B3GALT1: variants seen among roughly 807,000 people sequenced by gnomAD.
The protein encoded by B3GALT1 is UDP-Gal:betaGlcNAc beta 1,3-galactosyltransferase, polypeptide 1.
Under a neutral mutation model 23.2 loss-of-function variants are expected in B3GALT1, and 10 were observed. The observed-to-expected ratio is 0.43, with a 90% confidence interval of 0.27 to 0.73. B3GALT1 has a LOEUF of 0.73. B3GALT1 is among the 30% of genes least tolerant of loss of function. The pLI, the probability that B3GALT1 is intolerant of heterozygous loss-of-function variation, is 0.21. For missense variants in B3GALT1, 299 were observed against 405.4 expected, an observed-to-expected ratio of 0.74 and a Z score of 2.25; for synonymous variants, 156 against 141.5, an observed-to-expected ratio of 1.10 and a Z score of -0.73.
At chr2:167,469,003 A>G (rs1261848913) in intron 1 of B3GALT1, among the ~76,000 whole-genome samples, 1 of 152,236 alleles carries the variant, frequency 6.6e-6, no homozygotes, top group Non-Finnish European at 1.5e-5. Context: ...AAATAAAAGG[A>G]CACAAATATC....
chr2:167,663,539 G>A (rs1180413381), intron 3 of B3GALT1, among the ~76,000 whole-genome samples: 2 of 151,368 alleles, frequency 1.3e-5, no homozygotes, highest in Admixed American at 1.3e-4. Context: ...TCGCCACACT[G>A]ACTTCCACAA....
intron 3 of B3GALT1, among the ~76,000 whole-genome samples, chr2:167,648,966 G>T (rs547113049): frequency 6.6e-6 from 1 of 152,004 alleles, no homozygotes; most frequent in African/African-American, 2.4e-5. Flanking sequence ...CTGCCTCCAC[G>T]ACAGGCAGAG....
At chr2:167,800,426 C>T (rs182857696) in intron 3 of B3GALT1, among the ~76,000 whole-genome samples, 1 of 152,314 alleles carries the variant, frequency 6.6e-6, no homozygotes, top group Middle Eastern at 3.4e-3. Context: ...CCTCCCCACA[C>T]CCATTATCAT....
At chr2:167,454,617 CT>C (rs1431589674) in intron 1 of B3GALT1, among the ~76,000 whole-genome samples, 1 of 152,010 alleles carries the variant, frequency 6.6e-6, no homozygotes, top group Non-Finnish European at 1.5e-5. Context: ...TAATGTCAAC[CT>C]TGTTCTCCTG....
chr2:167,786,714 T>C (rs1688349884), intron 3 of B3GALT1, among the ~76,000 whole-genome samples: 1 of 152,220 alleles, frequency 6.6e-6, no homozygotes, highest in Non-Finnish European at 1.5e-5. Context: ...TAGAAGTATC[T>C]ACTAGTATTT....
intron 1 of B3GALT1, among the ~76,000 whole-genome samples, chr2:167,487,647 A>G (rs1699648700): frequency 6.6e-6 from 1 of 152,198 alleles, no homozygotes; most frequent in Non-Finnish European, 1.5e-5. Context: ...AGGATTTTTT[A>G]ATACTAGTTA....
chr2:167,671,059 A>G (rs1686317156), intron 3 of B3GALT1, among the ~76,000 whole-genome samples: 1 of 152,196 alleles, frequency 6.6e-6, no homozygotes, highest in Admixed American at 6.5e-5. Context: ...GACAAAATAG[A>G]CTTTAAGTAA....
At chr2:167,324,116 C>G (rs1407197260) in intron 1 of B3GALT1, among the ~76,000 whole-genome samples, 1 of 151,938 alleles carries the variant, frequency 6.6e-6, no homozygotes. Flanking sequence ...CTACATTATT[C>G]TGGTTGGAAA....
At chr2:167,746,262 A>G (rs1687650555) in intron 3 of B3GALT1, among the ~76,000 whole-genome samples, 2 of 152,242 alleles carry the variant, frequency 1.3e-5, no homozygotes, top group South Asian at 4.1e-4. Context: ...GTCTTATATG[A>G]GGACATTATT....
chr2:167,732,898 A>G (rs1687430457), intron 3 of B3GALT1, among the ~76,000 whole-genome samples: 1 of 152,238 alleles, frequency 6.6e-6, no homozygotes, highest in Non-Finnish European at 1.5e-5. Flanking sequence ...TGTTTACAGT[A>G]TGTCAGGGAT....
intron 2 of B3GALT1, among the ~76,000 whole-genome samples, chr2:167,530,219 C>A (rs371568394): frequency 6.6e-6 from 1 of 152,104 alleles, no homozygotes; most frequent in African/African-American, 2.4e-5. Flanking sequence ...GATTCTACCC[C>A]CTATTGGCCA....
intron 3 of B3GALT1, among the ~76,000 whole-genome samples, chr2:167,676,261 A>G (rs1426483229): frequency 1.3e-5 from 2 of 152,034 alleles, no homozygotes; most frequent in Non-Finnish European, 2.9e-5. Context: ...TAACTTTTTT[A>G]TCCCAAAGGT....
chr2:167,441,113 T>C (rs897508292), intron 1 of B3GALT1, among the ~76,000 whole-genome samples: 1 of 152,132 alleles, frequency 6.6e-6, no homozygotes, highest in African/African-American at 2.4e-5. Flanking sequence ...GCTGTCAGGA[T>C]TGGATGGGGC....
chr2:167,683,538 T>C (rs947791075), intron 3 of B3GALT1, among the ~76,000 whole-genome samples: 2 of 152,098 alleles, frequency 1.3e-5, no homozygotes, highest in Admixed American at 6.5e-5. Context: ...TGGGGCAACA[T>C]GACCAAACTC....
intron 3 of B3GALT1, among the ~76,000 whole-genome samples, chr2:167,729,552 T>C (rs568313840): frequency 1.1e-3 from 168 of 152,326 alleles, no homozygotes; most frequent in Non-Finnish European, 1.9e-3. Context: ...TGGGAACTTC[T>C]GCTGTGAGTA....
At chr2:167,825,151 G>A (rs1485607077) in intron 4 of B3GALT1, among the ~76,000 whole-genome samples, 1 of 151,890 alleles carries the variant, frequency 6.6e-6, no homozygotes, top group Non-Finnish European at 1.5e-5. Context: ...TGGGTGTGGT[G>A]GCGGGCACCT....
At chr2:167,633,337 G>C (rs961456131) in intron 2 of B3GALT1, among the ~76,000 whole-genome samples, 7 of 151,754 alleles carry the variant, frequency 4.6e-5, no homozygotes, top group Non-Finnish European at 8.8e-5. Context: ...TTGTAAATGG[G>C]CTAAATGCCC....
At chr2:167,673,908 A>G (rs1392383850) in intron 3 of B3GALT1, among the ~76,000 whole-genome samples, 1 of 152,124 alleles carries the variant, frequency 6.6e-6, no homozygotes, top group Non-Finnish European at 1.5e-5. Context: ...ACAAAGATAT[A>G]AAGTAATCAC....
At chr2:167,581,842 G>A (rs1307181481) in intron 2 of B3GALT1, among the ~76,000 whole-genome samples, 1 of 152,152 alleles carries the variant, frequency 6.6e-6, no homozygotes, top group Non-Finnish European at 1.5e-5. Flanking sequence ...TGTCTGTTGG[G>A]AGTCACATGG....
Sources: allele counts gnomAD v4.1 joint callset (sites outside exome capture counted in the v4.1 genomes callset), GRCh38; gene constraint gnomAD v4.1.1; transcripts MANE v1.5; gene names NCBI Gene and HGNC (gene_info 2026-07-23, HGNC 2026-07-21).